Variants in SOX5 observed in about 807,000 individuals in gnomAD.
SOX5 encodes the protein transcription factor SOX-5.
SOX5 carries 9 observed loss-of-function variants against 92.0 expected under a neutral mutation model. The observed-to-expected ratio is 0.10, with a 90% CI of 0.06 to 0.17. The LOEUF is 0.17. Among genes scored for constraint, SOX5 ranks in the 10% least tolerant of loss-of-function variants. The pLI is 1.00. For synonymous variants in SOX5, 344 were observed against 336.3 expected (o/e 1.02, Z -0.25); for missense variants, 642 against 944.5 (o/e 0.68, Z 4.20).
chr12:23,908,424 T>C (rs778201823), intron 1 of SOX5, among the ~76,000 whole-genome samples: 26 of 151,946 alleles, frequency 1.7e-4, no homozygotes, highest in Non-Finnish European at 3.4e-4. Flanking sequence ...GAATCGTTTA[T>C]ATATTGCTAA....
chr12:23,698,975 C>G (rs908759261), intron 6 of SOX5, among the ~76,000 whole-genome samples: 3 of 152,202 alleles, frequency 2.0e-5, no homozygotes, highest in African/African-American at 7.2e-5. Flanking sequence ...CAGGTGAGAA[C>G]TGAGGATTAT....
At chr12:24,274,672 G>GAAAAA (rs11394481) in intron 3 of SOX5, among the ~76,000 whole-genome samples, 4 of 146,204 alleles carry the variant, frequency 2.7e-5, no homozygotes, top group African/African-American at 7.5e-5. Context: ...GTTTTGAAAG[G>GAAAAA]AAAAAAAAAA....
chr12:24,291,403 C>T (rs188883452), intron 2 of SOX5, among the ~76,000 whole-genome samples: 2 of 152,290 alleles, frequency 1.3e-5, no homozygotes, highest in East Asian at 1.9e-4. Context: ...GTAGTTCTCA[C>T]GAATGTCTCT....
chr12:24,101,378 A>G (rs564127809), intron 4 of SOX5, among the ~76,000 whole-genome samples: 46 of 152,226 alleles, frequency 3.0e-4, no homozygotes, highest in African/African-American at 1.1e-3. Flanking sequence ...TGTATTCTTC[A>G]GTTCAAAGGA....
At chr12:23,816,050 T>C (rs540107869) in intron 3 of SOX5, among the ~76,000 whole-genome samples, 5 of 152,180 alleles carry the variant, frequency 3.3e-5, no homozygotes, top group Non-Finnish European at 7.3e-5. Flanking sequence ...ATTATTCTTG[T>C]TTTAATTTTT....
chr12:24,312,096 A>G (rs141747287), intron 2 of SOX5, among the ~76,000 whole-genome samples: 1 of 152,342 alleles, frequency 6.6e-6, no homozygotes, highest in Non-Finnish European at 1.5e-5. Flanking sequence ...ACTTCTTTTC[A>G]ACTAACATTG....
chr12:23,763,378 A>G (rs1295166125), intron 3 of SOX5, among the ~76,000 whole-genome samples: 1 of 152,154 alleles, frequency 6.6e-6, no homozygotes, highest in Non-Finnish European at 1.5e-5. Context: ...CAAGTAAAAT[A>G]TGCTTCACCT....
chr12:23,875,014 G>A (rs1249682333), intron 2 of SOX5, among the ~76,000 whole-genome samples: 1 of 152,134 alleles, frequency 6.6e-6, no homozygotes, highest in East Asian at 1.9e-4. Context: ...TTAAGAATAG[G>A]TCTTCAACTT....
intron 4 of SOX5, among the ~76,000 whole-genome samples, chr12:24,114,007 C>T (rs1411002566): frequency 6.6e-6 from 1 of 152,086 alleles, no homozygotes; most frequent in African/African-American, 2.4e-5. Context: ...GGCAGTCCTC[C>T]AATAAAAGAC....
At chr12:24,215,948 G>A (rs1051748685) in intron 3 of SOX5, among the ~76,000 whole-genome samples, 3 of 152,140 alleles carry the variant, frequency 2.0e-5, no homozygotes, top group Non-Finnish European at 4.4e-5. Flanking sequence ...GAAATAAACC[G>A]ATACATTTGT....
chr12:23,781,007 C>T (rs1194241996), intron 3 of SOX5, among the ~76,000 whole-genome samples: 1 of 151,920 alleles, frequency 6.6e-6, no homozygotes, highest in Non-Finnish European at 1.5e-5. Context: ...ACTAGAAAAG[C>T]TCATTTTTAT....
chr12:24,145,708 C>T (rs748337097), intron 4 of SOX5, among the ~76,000 whole-genome samples: 5 of 152,086 alleles, frequency 3.3e-5, no homozygotes, highest in South Asian at 2.1e-4. Flanking sequence ...GGTTTCACTA[C>T]GTTGCCCAGG....
chr12:24,190,368 A>G (rs1956404431), intron 4 of SOX5, among the ~76,000 whole-genome samples: 1 of 152,238 alleles, frequency 6.6e-6, no homozygotes, highest in Admixed American at 6.5e-5. Context: ...AAGGTAAAGG[A>G]GATATCAGAT....
chr12:23,650,725 G>A (rs936175016), intron 7 of SOX5, among the ~76,000 whole-genome samples: 24 of 152,134 alleles, frequency 1.6e-4, no homozygotes, highest in Admixed American at 1.4e-3. Flanking sequence ...GAAACGGAAT[G>A]AATGGGGAAC....
At chr12:24,034,493 A>G (rs925963171) in intron 4 of SOX5, among the ~76,000 whole-genome samples, 1 of 151,930 alleles carries the variant, frequency 6.6e-6, no homozygotes, top group Non-Finnish European at 1.5e-5. Flanking sequence ...GGGGCAAAGG[A>G]GAACCAATAA....
intron 2 of SOX5, among the ~76,000 whole-genome samples, chr12:24,343,539 C>T (rs1391940366): frequency 1.3e-5 from 2 of 151,718 alleles, no homozygotes; most frequent in Admixed American, 6.6e-5. Context: ...ATATATGAAG[C>T]CATCTAAGAT....
chr12:24,323,092 T>A lies in SOX5; in HGVS notation c.-174+45471A>T, dbSNP rs187534486. Among the ~76,000 whole-genome samples the A allele has an allele frequency of 1.2e-3, 177 of 152,152 alleles. 3 individuals carry two copies. The highest frequency in any genetic ancestry group is 5.9e-4 in the Non-Finnish European group (40 of 67,934). ...GTATTATCTGGAAAATTGTTAGAAA[T>A]GCATAATCACAGAACCCACACCAAA... On this transcript the variant is annotated intron_variant, in intron 2 of 4. Transcript: ENST00000446891.
At chr12:24,504,437 T>C (rs1948523079) in intron 1 of SOX5, among the ~76,000 whole-genome samples, 1 of 152,210 alleles carries the variant, frequency 6.6e-6, no homozygotes, top group Admixed American at 6.5e-5. Flanking sequence ...AATTCACCGA[T>C]AAATTTTTTA....
intron 1 of SOX5, among the ~76,000 whole-genome samples, chr12:24,376,302 G>C (rs1018438498): frequency 6.6e-6 from 1 of 152,168 alleles, no homozygotes; most frequent in African/African-American, 2.4e-5. Context: ...CTTATTCTCT[G>C]GGTTTACCAG....
Sources: allele counts gnomAD v4.1 joint callset (sites outside exome capture counted in the v4.1 genomes callset), GRCh38; gene constraint gnomAD v4.1.1; transcripts MANE v1.5; gene names NCBI Gene and HGNC (gene_info 2026-07-23, HGNC 2026-07-21).